CDC42EP3: variants seen among roughly 807,000 people sequenced by gnomAD.
CDC42EP3 encodes the protein CDC42 effector protein (Rho GTPase binding) 3.
CDC42EP3 carries 4 observed loss-of-function variants against 15.5 expected under a neutral mutation model. That is an observed-to-expected ratio of 0.26 (90% confidence interval 0.13 to 0.59). The LOEUF (loss-of-function observed/expected upper bound fraction) is 0.59, where lower values mean the gene tolerates loss of function less well. Among genes scored for constraint, CDC42EP3 ranks in the 20% least tolerant of loss-of-function variants. The pLI is 0.89. For synonymous variants in CDC42EP3, 145 were observed against 130.3 expected (o/e 1.11, Z -0.77); for missense variants, 309 against 311.2 (o/e 0.99, Z 0.05).
chr2:37,669,106 A>T (rs1666328650), intron 1 of CDC42EP3, among the ~76,000 whole-genome samples: 1 of 151,772 alleles, frequency 6.6e-6, no homozygotes, highest in Non-Finnish European at 1.5e-5. Flanking sequence ...CTGAATAACA[A>T]TAATAATAAT....
chr2:37,667,305 C>T (rs1666277753), intron 1 of CDC42EP3, among the ~76,000 whole-genome samples: 1 of 152,200 alleles, frequency 6.6e-6, no homozygotes, highest in Non-Finnish European at 1.5e-5. Context: ...ACATCATCAA[C>T]AAACATGGAC....
Position 37,646,650 on chromosome 2 carries a change from A to G in CDC42EP3, c.-63T>C, listed in dbSNP as rs1287627382. ...AAGGGCCACTTTCTTCACAGATGGT[A>G]TATGTTTCTGAATCCTTTTTGATAG... On this transcript the variant is annotated 5_prime_UTR_variant, in exon 2 of 2. Transcript: ENST00000295324. 3 of 1,423,088 alleles carry G rather than the reference A, an allele frequency of 2.1e-6. No individual in the cohort carries two copies. The highest frequency in any genetic ancestry group is 1.4e-5 in the African/African-American group (1 of 69,840). The allele number at this position is 1,423,088 out of a possible 1,614,324, so 88.2% of individuals were successfully genotyped here. A position where few individuals can be genotyped will look rare whatever the true frequency, so the allele number is the denominator to read the frequency against.
chr2:37,655,519 A>C (rs1558339832), intron 1 of CDC42EP3, among the ~76,000 whole-genome samples: 1 of 152,224 alleles, frequency 6.6e-6, no homozygotes, highest in African/African-American at 2.4e-5. Flanking sequence ...AAAATGAGTT[A>C]CTGGGGAAGA....
chr2:37,651,142 AGAG>A (rs1665663580), intron 1 of CDC42EP3, among the ~76,000 whole-genome samples: 1 of 152,238 alleles, frequency 6.6e-6, no homozygotes, highest in South Asian at 2.1e-4. Context: ...GGAAAAAAAA[AGAG>A]GTGCAAATGC....
intron 1 of CDC42EP3, among the ~76,000 whole-genome samples, chr2:37,659,631 G>A (rs1665992191): frequency 6.6e-6 from 1 of 152,202 alleles, no homozygotes; most frequent in Non-Finnish European, 1.5e-5. Context: ...TTCAAACTCA[G>A]TGACTCTACT....
chr2:37,651,206 CAAGT>C (rs1302887345), intron 1 of CDC42EP3, among the ~76,000 whole-genome samples: 2 of 152,112 alleles, frequency 1.3e-5, no homozygotes, highest in African/African-American at 4.8e-5. Flanking sequence ...TGGAAACACA[CAAGT>C]AATAATAGTG....
chr2:37,661,922 G>A lies in CDC42EP3; in HGVS notation c.-236+9504C>T, dbSNP rs74676796. Among the ~76,000 whole-genome samples the A allele has an allele frequency of 7.5e-4, 114 of 152,204 alleles. 1 individual carries two copies. Among genetic ancestry groups the A allele is most frequent in the African/African-American group, 2.6e-3 (109 of 41,498 alleles). ...AAAAAGTTCGACAGAGCTGGGCCTA[G>A]GAGGAAGATTCATGCTCTGTGTCAC... On this transcript the variant is annotated intron_variant, in intron 1 of 1. Transcript: ENST00000295324.
intron 1 of CDC42EP3, among the ~76,000 whole-genome samples, chr2:37,663,670 C>A (rs1468966254): frequency 6.6e-6 from 1 of 152,200 alleles, no homozygotes; most frequent in East Asian, 1.9e-4. Flanking sequence ...GAAGGAGTAA[C>A]TTTACTACAG....
intron 1 of CDC42EP3, among the ~76,000 whole-genome samples, chr2:37,650,958 C>G (rs189443398): frequency 9.2e-5 from 14 of 152,262 alleles, no homozygotes. Flanking sequence ...CAAGGCTGTT[C>G]AAACCAGCAC....
intron 1 of CDC42EP3, among the ~76,000 whole-genome samples, chr2:37,657,217 C>T (rs72879498): frequency 0.023 from 3,449 of 152,192 alleles, 93 homozygotes; most frequent in African/African-American, 0.064. Flanking sequence ...AGCTCTCCCA[C>T]CTTCTTACCA....
chr2:37,649,125 G>C (rs1665580044), intron 1 of CDC42EP3, among the ~76,000 whole-genome samples: 1 of 151,050 alleles, frequency 6.6e-6, no homozygotes, highest in Admixed American at 6.6e-5. Flanking sequence ...TTTGAGGTCA[G>C]CCTGGGCAAC....
intron 1 of CDC42EP3, among the ~76,000 whole-genome samples, chr2:37,656,775 C>T (rs60910686): frequency 0.069 from 10,448 of 152,094 alleles, 1,212 homozygotes; most frequent in African/African-American, 0.24. Flanking sequence ...GGAAATGACA[C>T]ACCAAGAGCG....
rs200423389 is a variant in CDC42EP3 at position 37,645,941 on chromosome 2, C to G, written c.647G>C (p.Gly216Ala). The part of the protein sequence containing the change: ...DHPTPCELIK[G>A]KTKSEESLSD... ...GAGGGACTCCTCTGACTTAGTCTTTCCCTTGATGAGCTCGCATGGGGTGGG... is the reference window on the plus strand; with the variant it reads ...GAGGGACTCCTCTGACTTAGTCTTTGCCTTGATGAGCTCGCATGGGGTGGG... The change falls in exon 2 of 2, where the codon GGA becomes GCA. Residue 216 changes from glycine (G) to alanine (A), a missense_variant. Coordinates refer to ENST00000295324, the MANE Select transcript of CDC42EP3 (RefSeq NM_006449.5). 5.0e-6 allele frequency: 8 copies of G among 1,613,864 alleles called. No homozygotes were observed. Among genetic ancestry groups the G allele is most frequent in the Non-Finnish European group, 5.9e-6 (7 of 1,179,914 alleles).
At chr2:37,659,707 G>A (rs1182868602) in intron 1 of CDC42EP3, among the ~76,000 whole-genome samples, 2 of 152,206 alleles carry the variant, frequency 1.3e-5, no homozygotes, top group East Asian at 1.9e-4. Flanking sequence ...TTTTCAAAAG[G>A]AGATGTGTTA....
rs56719269 is a variant in CDC42EP3 at position 37,644,757 on chromosome 2, C to T, written c.*1066G>A. 2.0e-5 allele frequency: 3 copies of T among 152,102 alleles called. No individual in the cohort carries two copies. The highest frequency in any genetic ancestry group is 4.4e-5 in the Non-Finnish European group (3 of 68,030). The allele number at this position is 152,102 out of a possible 1,614,324, so 9.4% of individuals were successfully genotyped here. A position where few individuals can be genotyped will look rare whatever the true frequency, so the allele number is the denominator to read the frequency against. On this transcript the variant is annotated 3_prime_UTR_variant, in exon 2 of 2. Transcript: ENST00000295324. ...GAAATCATCTCTTACCTTAAGGGCTCATGTACATTTCAGAGAAGCAATTTC... is the reference window on the plus strand; with the variant it reads ...GAAATCATCTCTTACCTTAAGGGCTTATGTACATTTCAGAGAAGCAATTTC...
chr2:37,649,591 G>C (rs916342430), intron 1 of CDC42EP3, among the ~76,000 whole-genome samples: 3 of 152,042 alleles, frequency 2.0e-5, no homozygotes, highest in East Asian at 3.8e-4. Flanking sequence ...AAGAGCAAAG[G>C]GGGAGAAAGT....
At chr2:37,655,484 G>A (rs1478004668) in intron 1 of CDC42EP3, among the ~76,000 whole-genome samples, 2 of 152,144 alleles carry the variant, frequency 1.3e-5, no homozygotes, top group Non-Finnish European at 2.9e-5. Flanking sequence ...TTTGAACAGA[G>A]GCCATTAGGA....
intron 1 of CDC42EP3, among the ~76,000 whole-genome samples, chr2:37,654,569 T>C (rs1319169269): frequency 6.6e-6 from 1 of 151,966 alleles, no homozygotes; most frequent in African/African-American, 2.4e-5. Flanking sequence ...AGTATGGCCA[T>C]GGGATGAAGC....
chr2:37,654,744 C>G (rs952475104), intron 1 of CDC42EP3, among the ~76,000 whole-genome samples: 1 of 152,200 alleles, frequency 6.6e-6, no homozygotes, highest in Non-Finnish European at 1.5e-5. Context: ...CGGACTTTCC[C>G]TTGAAGAAGC....
Sources: gnomAD v4.1 joint callset for allele counts (sites outside exome capture counted in the v4.1 genomes callset) on GRCh38, gnomAD v4.1.1 for gene constraint, MANE v1.5 for transcripts, NCBI Gene and HGNC (gene_info 2026-07-23, HGNC 2026-07-21) for gene names.